The following WWOX variants were observed in gnomAD, a reference collection of about 807,000 sequenced individuals.
WWOX encodes the protein WW domain-containing oxidoreductase.
WWOX carries 69 observed loss-of-function variants against 46.2 expected under a neutral mutation model. That is an observed-to-expected ratio of 1.49 (90% CI 1.23 to 1.82). WWOX has a LOEUF of 1.82. WWOX is among the 40% of genes most tolerant of loss of function. WWOX has a pLI of 0.00. For missense variants in WWOX, 919 were observed against 542.6 expected (o/e 1.69, Z -6.89); for synonymous variants, 359 against 202.6 (o/e 1.77, Z -6.56).
At chr16:78,940,946 C>T (rs545638308) in intron 8 of WWOX, among the ~76,000 whole-genome samples, 24 of 152,042 alleles carry the variant, frequency 1.6e-4, no homozygotes, top group Non-Finnish European at 3.1e-4. Context: ...CTTCTGCCCC[C>T]CCACCCCATC....
chr16:78,872,531 A>C (rs1344910438), intron 8 of WWOX, among the ~76,000 whole-genome samples: 1 of 152,218 alleles, frequency 6.6e-6, no homozygotes, highest in South Asian at 2.1e-4. Flanking sequence ...GAACAAGTGC[A>C]TTAATCACTC....
At chr16:78,148,131 G>T (rs1294782639) in intron 4 of WWOX, among the ~76,000 whole-genome samples, 1 of 152,164 alleles carries the variant, frequency 6.6e-6, no homozygotes, top group African/African-American at 2.4e-5. Flanking sequence ...TCAGAGTTGG[G>T]TTCCCTTCTT....
chr16:78,887,123 TGTG>T (rs2044480747), intron 8 of WWOX, among the ~76,000 whole-genome samples: 1 of 119,764 alleles, frequency 8.3e-6, no homozygotes, highest in African/African-American at 2.7e-5. Context: ...TGTGTGTGTG[TGTG>T]TGTGTGTGTA....
intron 5 of WWOX, among the ~76,000 whole-genome samples, chr16:78,285,492 G>A (rs568533999): frequency 5.9e-5 from 9 of 152,224 alleles, no homozygotes; most frequent in African/African-American, 2.2e-4. Context: ...ACCCTCATGT[G>A]TATCAAGAAA....
rs2081093546 is a variant in WWOX, at chr16:78,346,308, T to A, written c.517-40552T>A. Among the ~76,000 whole-genome samples, 2 of 121,264 alleles carry A rather than the reference T, an allele frequency of 1.6e-5. 1 individual carries two copies. Among genetic ancestry groups the A allele is most frequent in the African/African-American group, 5.6e-5 (2 of 35,860 alleles). 79.6% of individuals were successfully genotyped at this position (121,264 alleles called of 152,430 possible). A position where few individuals can be genotyped will look rare whatever the true frequency, so the allele number is the denominator to read the frequency against. The stretch of plus-strand genomic sequence containing the variant: ...TGATAGACATTTGGGTTCTTCCCAG[T>A]TTTTAGCTGTTGTAAATGGATACTA... On this transcript the variant is annotated intron_variant, in intron 5 of 8. Transcript: ENST00000566780.
At chr16:78,710,184 C>T (rs1158696973) in intron 8 of WWOX, among the ~76,000 whole-genome samples, 2 of 151,972 alleles carry the variant, frequency 1.3e-5, no homozygotes, top group Non-Finnish European at 2.9e-5. Context: ...TAAGAACAGG[C>T]TTTCCCCGTT....
intron 8 of WWOX, among the ~76,000 whole-genome samples, chr16:78,439,059 C>A (rs1309593085): frequency 1.3e-5 from 2 of 152,184 alleles, no homozygotes; most frequent in Non-Finnish European, 2.9e-5. Flanking sequence ...TCTTTAAATA[C>A]CTGCAGCTGA....
intron 8 of WWOX, chr16:78,895,407 G>T (rs547500335): frequency 6.6e-6 from 1 of 152,214 alleles, no homozygotes; most frequent in Non-Finnish European, 1.5e-5. Flanking sequence ...TGTCTCCTCT[G>T]TGGGGTCAAA....
At chr16:78,578,257 TATATATA>T (rs1567657270) in intron 8 of WWOX, among the ~76,000 whole-genome samples, 14 of 29,360 alleles carry the variant, frequency 4.8e-4, no homozygotes, top group Admixed American at 1.0e-3. Context: ...CCAAATTTTA[TATATATA>T]TATATATATA....
intron 8 of WWOX, among the ~76,000 whole-genome samples, chr16:78,643,577 G>A (rs1293260252): frequency 6.6e-6 from 1 of 152,130 alleles, no homozygotes; most frequent in Non-Finnish European, 1.5e-5. Context: ...CCAGCCCCCT[G>A]TAGGAGAGGG....
intron 8 of WWOX, among the ~76,000 whole-genome samples, chr16:78,476,677 T>C (rs958977168): frequency 1.3e-5 from 2 of 152,102 alleles, no homozygotes; most frequent in Non-Finnish European, 2.9e-5. Context: ...CCGTCCCCCA[T>C]GATCACAGAG....
intron 8 of WWOX, among the ~76,000 whole-genome samples, chr16:78,496,712 A>C (rs1393380599): frequency 6.6e-6 from 1 of 152,224 alleles, no homozygotes; most frequent in Non-Finnish European, 1.5e-5. Context: ...CTGACAACTC[A>C]CTATGTAAAA....
rs1048819590 is a variant in WWOX at position 79,190,147 on chromosome 16, C to T, written c.1057-21461C>T. On this transcript the variant is annotated intron_variant, in intron 8 of 8. Transcript: ENST00000566780. Reference sequence around the variant, plus strand: ...TAAAGCAATTCTTCTGCCTCAGCCTCCCGAGTAGCTGGGATTTTAGGTGTG... The same window carrying T: ...TAAAGCAATTCTTCTGCCTCAGCCTTCCGAGTAGCTGGGATTTTAGGTGTG... Among the ~76,000 whole-genome samples the T allele has an allele frequency of 4.6e-5, 7 of 152,228 alleles. No homozygotes were observed. In the South Asian group the frequency reaches 1.5e-3, roughly 32 times the overall value.
intron 8 of WWOX, among the ~76,000 whole-genome samples, chr16:78,730,399 A>G (rs983746091): frequency 6.6e-6 from 1 of 151,872 alleles, no homozygotes; most frequent in African/African-American, 2.4e-5. Flanking sequence ...CACTAGCTCT[A>G]TAGGTAAGAT....
At chr16:78,489,545 G>C (rs914838862) in intron 8 of WWOX, among the ~76,000 whole-genome samples, 1 of 151,962 alleles carries the variant, frequency 6.6e-6, no homozygotes, top group African/African-American at 2.4e-5. Flanking sequence ...TTTCAAATAT[G>C]TACGTAACAC....
At chr16:78,666,752 T>A (rs572463671) in intron 8 of WWOX, among the ~76,000 whole-genome samples, 5 of 152,190 alleles carry the variant, frequency 3.3e-5, no homozygotes, top group African/African-American at 1.2e-4. Flanking sequence ...TGGGACTGTT[T>A]GGTTGTGTTC....
intron 8 of WWOX, among the ~76,000 whole-genome samples, chr16:78,992,689 C>G (rs1213739064): frequency 6.6e-6 from 1 of 152,122 alleles, no homozygotes; most frequent in Non-Finnish European, 1.5e-5. Flanking sequence ...GCCTAACCAA[C>G]AAGAAAGATC....
chr16:79,024,870 G>C (rs986275890), intron 8 of WWOX, among the ~76,000 whole-genome samples: 1 of 152,104 alleles, frequency 6.6e-6, no homozygotes, highest in African/African-American at 2.4e-5. Context: ...ACACCTGGCC[G>C]CTGGAAATAC....
intron 5 of WWOX, among the ~76,000 whole-genome samples, chr16:78,299,163 G>A (rs1241282048): frequency 2.0e-5 from 3 of 152,148 alleles, no homozygotes; most frequent in Admixed American, 6.5e-5. Context: ...CTCTCAGAAC[G>A]GAAAACTCTT....
Sources: allele counts gnomAD v4.1 joint callset (sites outside exome capture counted in the v4.1 genomes callset), GRCh38; gene constraint gnomAD v4.1.1; transcripts MANE v1.5; gene names NCBI Gene and HGNC (gene_info 2026-07-23, HGNC 2026-07-21).